Variants in MC4R observed in about 807,000 individuals in gnomAD.
The protein encoded by MC4R is melanocortin 4 receptor.
In MC4R, 15 loss-of-function variants were observed where a neutral mutation model predicts 16.1. That is an observed-to-expected ratio of 0.93 (90% CI 0.62 to 1.44). The LOEUF (loss-of-function observed/expected upper bound fraction) is 1.44. Ranked by LOEUF, MC4R falls within the 40% of genes most tolerant of loss-of-function variation. The probability of loss-of-function intolerance (pLI) is 0.00; values close to 1 mark genes in which losing one functional copy is unlikely to be tolerated. For missense variants in MC4R, 416 were observed against 411.4 expected, an observed-to-expected ratio of 1.01 and a Z score of -0.10; for synonymous variants, 162 against 151.7, an observed-to-expected ratio of 1.07 and a Z score of -0.50.
In MC4R at chr18:60,371,176, A is replaced by T. The variant is rs1276804547; in HGVS notation, c.*175T>A. The T allele has an allele frequency of 1.5e-6, 1 of 676,546 alleles. No individual in the cohort carries two copies. Among genetic ancestry groups the T allele is most frequent in the Non-Finnish European group, 2.5e-6 (1 of 395,042 alleles). The allele number at this position is 676,546 out of a possible 1,614,324, so 41.9% of individuals were successfully genotyped here. On this transcript the variant is annotated 3_prime_UTR_variant, in exon 1 of 1. Transcript: ENST00000299766. ...AAAGTAGCATGACATTGGAAATAAT[A>T]CAGAGACTGGGCATTTTTTCTCATT...
rs1474837484 is a variant in MC4R at position 60,372,066 on chromosome 18, A to G, written c.284T>C (p.Val95Ala). ...GACAATGGTTTCTGATCCATTTGAA[A>G]CGCTCACCAGCATATCAGCCACAGC... Reference protein sequence around the residue: ...SLAVADMLVSVSNGSETIVIT... With the variant: ...SLAVADMLVSASNGSETIVIT... The change falls in exon 1 of 1, where the codon GTT (valine) becomes GCT (alanine). Residue 95 changes from valine (V) to alanine (A), a missense_variant. Physicochemically the swap from Val to Ala is moderately conservative, Grantham distance 64. Coordinates refer to ENST00000299766, the MANE Select transcript of MC4R (RefSeq NM_005912.3). 3 of 1,614,100 alleles carry G rather than the reference A, an allele frequency of 1.9e-6. No individual in the cohort carries two copies. Among genetic ancestry groups the G allele is most frequent in the Non-Finnish European group, 8.5e-7 (1 of 1,180,052 alleles).
rs368264587 is a variant in MC4R, at chr18:60,371,467, A to G, written c.883T>C (p.Ser295Pro). The change falls in exon 1 of 1, where the codon TCA (serine) becomes CCA (proline). Residue 295 changes from serine to proline, a missense_variant. By Grantham distance (74) the Ser-to-Pro change is moderately conservative. Transcript: ENST00000299766. ...GCATAAATCAGAGGATCGATGATTGAATTACACATGATCAGTATGAGATAC... is the reference window on the plus strand; with the variant it reads ...GCATAAATCAGAGGATCGATGATTGGATTACACATGATCAGTATGAGATAC... ...NLYLILIMCN[S>P]IIDPLIYALR... The G allele has an allele frequency of 1.8e-5, 29 of 1,614,128 alleles. No individual in the cohort carries two copies. Among genetic ancestry groups the G allele is most frequent in the Non-Finnish European group, 2.4e-5 (28 of 1,180,034 alleles).
rs553752771 is a variant in MC4R at position 60,371,960 on chromosome 18, A to G, written c.390T>C (p.Cys130=). The G allele has an allele frequency of 1.9e-6, 3 of 1,614,164 alleles. No individual in the cohort carries two copies. The highest frequency in any genetic ancestry group is 2.5e-6 in the Non-Finnish European group (3 of 1,180,034). The change falls in exon 1 of 1, where the codon TGT becomes TGC. Residue 130 remains cysteine, a synonymous_variant. Coordinates refer to ENST00000299766, the MANE Select transcript of MC4R (RefSeq NM_005912.3). The part of the protein sequence containing the change: ...NIDNVIDSVI[C]SSLLASICSL... ...TGCAAATGGATGCAAGCAAGGAGCT[A>G]CAGATCACCGAGTCAATGACATTAT... is the stretch of plus-strand genomic sequence containing the variant.
chr18:60,371,391 T>A lies in MC4R; in HGVS notation c.959A>T (p.Tyr320Phe). 6.2e-7 allele frequency: 1 copy of A among 1,614,180 alleles called. No homozygotes were observed. Among genetic ancestry groups the A allele is most frequent in the Non-Finnish European group, 8.5e-7 (1 of 1,180,032 alleles). Reference protein sequence around the residue: ...RKTFKEIICCYPLGGLCDLSS... With the variant: ...RKTFKEIICCFPLGGLCDLSS... ...CAAGTCACAAAGGCCTCCCAGGGGA[T>A]AGCAACAGATGATCTCTTTGAAGGT... Residue 320 changes from tyrosine to phenylalanine, a missense_variant, in exon 1 of 1, where the codon TAT becomes TTT. Coordinates refer to ENST00000299766, the MANE Select transcript of MC4R (RefSeq NM_005912.3).
At position 60,372,045 on chromosome 18, in the gene MC4R, A is replaced by G. The variant is rs121913559; in HGVS notation, c.305T>C (p.Ile102Thr). The G allele has an allele frequency of 9.3e-6, 15 of 1,614,206 alleles. No individual in the cohort carries two copies. Among genetic ancestry groups the G allele is most frequent in the African/African-American group, 1.3e-5 (1 of 75,054 alleles). The change falls in exon 1 of 1, where the codon ATT becomes ACT. Residue 102 changes from isoleucine (I) to threonine (T), a missense_variant. By Grantham distance (89) the Ile-to-Thr change is moderately conservative. Coordinates refer to ENST00000299766, the MANE Select transcript of MC4R (RefSeq NM_005912.3). ...LVSVSNGSET[I>T]VITLLNSTDT... ...TGTACTGTTTAATAGGGTGATGACA[A>G]TGGTTTCTGATCCATTTGAAACGCT...
Position 60,371,090 on chromosome 18 carries a change from T to C in MC4R, c.*261A>G. 1 of 456,324 alleles carries C rather than the reference T, an allele frequency of 2.2e-6. No homozygotes were observed. Among genetic ancestry groups the C allele is most frequent in the Non-Finnish European group, 4.0e-6 (1 of 248,802 alleles). The allele number at this position is 456,324 out of a possible 1,614,324, so 28.3% of individuals were successfully genotyped here. A position where few individuals can be genotyped will look rare whatever the true frequency, so the allele number is the denominator to read the frequency against. On this transcript the variant is annotated 3_prime_UTR_variant, in exon 1 of 1. Transcript: ENST00000299766. ...ATTGTTAAGCTTTTAATAAGGACTT[T>C]TCTTTTTGTAAATCCACAGTGCCTA...
In MC4R at chr18:60,371,777, A is replaced by G. The variant is rs748869051; in HGVS notation, c.573T>C (p.Ser191=). 2 of 1,614,204 alleles carry G rather than the reference A, an allele frequency of 1.2e-6. No homozygotes were observed. Among genetic ancestry groups the G allele is most frequent in the South Asian group, 1.1e-5 (1 of 91,076 alleles). ...TGGTGATGAGGCAGATGATGACAGC[A>G]CTACTATCTGAGTAAATGATGAACA... ...GILFIIYSDS[S]AVIICLITMF... is the part of the protein sequence containing the mutation. The change falls in exon 1 of 1, where the codon AGT becomes AGC. Residue 191 remains serine, a synonymous_variant. Coordinates refer to ENST00000299766, the MANE Select transcript of MC4R (RefSeq NM_005912.3).
Position 60,372,686 on chromosome 18 carries a change from T to C in MC4R, c.-337A>G. ...AAAATAATTTTCCTTGAAGCTGCCA[T>C]GCCATTGGGAGACGAATCTGTGCGC... is the stretch of plus-strand genomic sequence containing the variant. On this transcript the variant is annotated 5_prime_UTR_variant, in exon 1 of 1. It removes an upstream start codon present in the reference 5' UTR. Transcript: ENST00000299766. 1 of 362,886 alleles carries C rather than the reference T, an allele frequency of 2.8e-6. No homozygotes were observed. Among genetic ancestry groups the C allele is most frequent in the Non-Finnish European group, 5.5e-6 (1 of 180,870 alleles). The allele number at this position is 362,886 out of a possible 1,614,324, so 22.5% of individuals were successfully genotyped here.
chr18:60,372,044 A>G lies in MC4R; in HGVS notation c.306T>C (p.Ile102=). 6.2e-7 allele frequency: 1 copy of G among 1,614,206 alleles called. No individual in the cohort carries two copies. The highest frequency in any genetic ancestry group is 8.5e-7 in the Non-Finnish European group (1 of 1,180,028). The change falls in exon 1 of 1, where the codon ATT becomes ATC. Residue 102 remains isoleucine (I), a synonymous_variant. Transcript: ENST00000299766. ...LVSVSNGSET[I]VITLLNSTDT... is the part of the protein sequence containing the mutation. ...CTGTACTGTTTAATAGGGTGATGACAATGGTTTCTGATCCATTTGAAACGC... is the reference window on the plus strand; with the variant it reads ...CTGTACTGTTTAATAGGGTGATGACGATGGTTTCTGATCCATTTGAAACGC...
Position 60,371,269 on chromosome 18 carries a change from G to T in MC4R, c.*82C>A. The T allele has an allele frequency of 7.3e-7, 1 of 1,378,232 alleles. No individual in the cohort carries two copies. Among genetic ancestry groups the T allele is most frequent in the Non-Finnish European group, 1.0e-6 (1 of 970,916 alleles). The allele number at this position is 1,378,232 out of a possible 1,614,324, so 85.4% of individuals were successfully genotyped here. ...AGTACCCTACACGGAAGAGAAAGCT[G>T]TTGCAGAAGTACAATATTCAGGTAG... On this transcript the variant is annotated 3_prime_UTR_variant, in exon 1 of 1. Coordinates refer to ENST00000299766, the MANE Select transcript of MC4R (RefSeq NM_005912.3).
In MC4R at chr18:60,372,477, T is replaced by A; in HGVS notation, c.-128A>T. The stretch of plus-strand genomic sequence containing the variant: ...GAGGCTAAAATTGCCATGCCTGCTG[T>A]GAGTAAATGTCACAAGTCCAGAGCT... On this transcript the variant is annotated 5_prime_UTR_variant, in exon 1 of 1. Coordinates refer to ENST00000299766, the MANE Select transcript of MC4R (RefSeq NM_005912.3). The A allele has an allele frequency of 1.1e-6, 1 of 948,970 alleles. No homozygotes were observed. The highest frequency in any genetic ancestry group is 1.7e-6 in the Non-Finnish European group (1 of 600,122). The allele number at this position is 948,970 out of a possible 1,614,324, so 58.8% of individuals were successfully genotyped here. A position where few individuals can be genotyped will look rare whatever the true frequency, so the allele number is the denominator to read the frequency against.
rs1915367991 is a variant in MC4R, at chr18:60,372,332, G to A, written c.18C>T (p.His6=). Residue 6 remains histidine, a synonymous_variant, in exon 1 of 1, where the codon CAC becomes CAT. Coordinates refer to ENST00000299766, the MANE Select transcript of MC4R (RefSeq NM_005912.3). ...GGTGCAGAGAAGTGTGCATCCCACG[G>A]TGGGTGGAGTTCACCATGCTGGCAG... is the stretch of plus-strand genomic sequence containing the variant. MVNST[H]RGMHTSLHLW... is the part of the protein sequence containing the mutation. 1.2e-6 allele frequency: 2 copies of A among 1,614,046 alleles called. No homozygotes were observed. The highest frequency in any genetic ancestry group is 1.3e-5 in the African/African-American group (1 of 74,934).
At position 60,372,560 on chromosome 18, in the gene MC4R, C is replaced by A; in HGVS notation, c.-211G>T. 1.6e-6 allele frequency: 1 copy of A among 611,444 alleles called. No homozygotes were observed. Among genetic ancestry groups the A allele is most frequent in the Non-Finnish European group, 3.0e-6 (1 of 337,018 alleles). 37.9% of individuals were successfully genotyped at this position (611,444 alleles called of 1,614,324 possible). A position where few individuals can be genotyped will look rare whatever the true frequency, so the allele number is the denominator to read the frequency against. ...ACTCTAATCATCATCACTTTAAAAT[C>A]TTGGGCTTCAAAATATTCATTCTCA... is the stretch of plus-strand genomic sequence containing the variant. On this transcript the variant is annotated 5_prime_UTR_variant, in exon 1 of 1. Transcript: ENST00000299766.
Position 60,371,782 on chromosome 18 carries a change from T to C in MC4R, c.568A>G (p.Ser190Gly), listed in dbSNP as rs543153918. The change falls in exon 1 of 1, where the codon AGT becomes GGT. Residue 190 changes from serine (S) to glycine (G), a missense_variant. Physicochemically the swap from Ser to Gly is moderately conservative, Grantham distance 56. Coordinates refer to ENST00000299766, the MANE Select transcript of MC4R (RefSeq NM_005912.3). Reference sequence around the variant, plus strand: ...ATGAGGCAGATGATGACAGCACTACTATCTGAGTAAATGATGAACAAAATG... The same window carrying C: ...ATGAGGCAGATGATGACAGCACTACCATCTGAGTAAATGATGAACAAAATG... ...SGILFIIYSD[S>G]SAVIICLITM... 6.2e-7 allele frequency: 1 copy of C among 1,614,192 alleles called. No homozygotes were observed. The highest frequency in any genetic ancestry group is 2.2e-5 in the East Asian group (1 of 44,876).
At position 60,372,214 on chromosome 18, in the gene MC4R, C is replaced by T. The variant is rs1163674339; in HGVS notation, c.136G>A (p.Val46Ile). 1 of 1,614,242 alleles carries T rather than the reference C, an allele frequency of 6.2e-7. No homozygotes were observed. The highest frequency in any genetic ancestry group is 1.1e-5 in the South Asian group (1 of 91,086). The stretch of plus-strand genomic sequence containing the variant: ...AGAGTCACAAACACCTCAGGAGAGA[C>T]AAAAAGTTGCTCGTAGCACCCTCCA... Reference protein sequence around the residue: ...SDGGCYEQLFVSPEVFVTLGV... With the variant: ...SDGGCYEQLFISPEVFVTLGV... The change falls in exon 1 of 1, where the codon GTC becomes ATC. Residue 46 changes from valine to isoleucine, a missense_variant. Coordinates refer to ENST00000299766, the MANE Select transcript of MC4R (RefSeq NM_005912.3).
Position 60,372,602 on chromosome 18 carries a change from C to T in MC4R, c.-253G>A. 1.8e-6 allele frequency: 1 copy of T among 549,862 alleles called. No homozygotes were observed. Among genetic ancestry groups the T allele is most frequent in the Non-Finnish European group, 3.4e-6 (1 of 296,728 alleles). 34.1% of individuals were successfully genotyped at this position (549,862 alleles called of 1,614,324 possible). On this transcript the variant is annotated 5_prime_UTR_variant, in exon 1 of 1. Transcript: ENST00000299766. ...TCATTCTCAGTTGAAAGAGTCTGCT[C>T]TTTGCTTTCTTGTTCTCACTTCTGC...
chr18:60,372,574 T>C lies in MC4R; in HGVS notation c.-225A>G. On this transcript the variant is annotated 5_prime_UTR_variant, in exon 1 of 1. In the 5' UTR this introduces an upstream ATG that the reference lacks. Transcript: ENST00000299766. Reference sequence around the variant, plus strand: ...CACTTTAAAATCTTGGGCTTCAAAATATTCATTCTCAGTTGAAAGAGTCTG... The same window carrying C: ...CACTTTAAAATCTTGGGCTTCAAAACATTCATTCTCAGTTGAAAGAGTCTG... 3.4e-6 allele frequency: 2 copies of C among 596,376 alleles called. No homozygotes were observed. Among genetic ancestry groups the C allele is most frequent in the Non-Finnish European group, 6.1e-6 (2 of 326,824 alleles). The allele number at this position is 596,376 out of a possible 1,614,324, so 36.9% of individuals were successfully genotyped here. A position where few individuals can be genotyped will look rare whatever the true frequency, so the allele number is the denominator to read the frequency against.
At position 60,372,395 on chromosome 18, in the gene MC4R, T is replaced by C. The variant is rs760273517; in HGVS notation, c.-46A>G. 6.2e-7 allele frequency: 1 copy of C among 1,604,922 alleles called. No homozygotes were observed. Among genetic ancestry groups the C allele is most frequent in the Non-Finnish European group, 8.5e-7 (1 of 1,174,040 alleles). ...GTCCCCCTGAATTGATTTAACCTCCTGGGTCAGGGAGTCGTCTCAGTTATT... is the reference window on the plus strand; with the variant it reads ...GTCCCCCTGAATTGATTTAACCTCCCGGGTCAGGGAGTCGTCTCAGTTATT... On this transcript the variant is annotated 5_prime_UTR_variant, in exon 1 of 1. Transcript: ENST00000299766.
Position 60,372,227 on chromosome 18 carries a change from G to A in MC4R, c.123C>T (p.Tyr41=), listed in dbSNP as rs763385086. Residue 41 remains tyrosine (Y), a synonymous_variant, in exon 1 of 1, where the codon TAC becomes TAT. Coordinates refer to ENST00000299766, the MANE Select transcript of MC4R (RefSeq NM_005912.3). ...CCTCAGGAGAGACAAAAAGTTGCTC[G>A]TAGCACCCTCCATCAGAGTAGCCTT... is the stretch of plus-strand genomic sequence containing the variant. The part of the protein sequence containing the change: ...LGKGYSDGGC[Y]EQLFVSPEVF... The A allele has an allele frequency of 1.1e-5, 17 of 1,614,076 alleles. No homozygotes were observed. The highest frequency in any genetic ancestry group is 6.7e-5 in the African/African-American group (5 of 74,924).
Sources: allele counts gnomAD v4.1 joint callset, GRCh38; gene constraint gnomAD v4.1.1; transcripts MANE v1.5; gene names NCBI Gene and HGNC (gene_info 2026-07-23, HGNC 2026-07-21).